The following SBF2 variants were observed in gnomAD, a reference collection of about 807,000 sequenced individuals.
SBF2 encodes myotubularin-related protein 13.
SBF2 carries 112 observed loss-of-function variants against 225.2 expected under a neutral mutation model. The ratio of observed to expected loss-of-function variants is 0.50; its 90% CI spans 0.43 to 0.58. The LOEUF is 0.58. SBF2 is among the 20% of genes least tolerant of loss of function. SBF2 has a pLI of 0.00. For missense variants in SBF2, 1,996 were observed against 2,206.2 expected (o/e 0.90, Z 1.91); for synonymous variants, 763 against 773.3 (o/e 0.99, Z 0.22).
chr11:10,156,481 T>G (rs555282880), intron 2 of SBF2, among the ~76,000 whole-genome samples: 5 of 152,294 alleles, frequency 3.3e-5, no homozygotes, highest in African/African-American at 1.2e-4. Flanking sequence ...GCCTGAAGCC[T>G]GGGGTCCAGG....
chr11:10,045,499 G>A (rs1158091770), intron 2 of SBF2, among the ~76,000 whole-genome samples: 1 of 152,196 alleles, frequency 6.6e-6, no homozygotes, highest in African/African-American at 2.4e-5. Context: ...TATAGGAATA[G>A]ATTGAAATAG....
At chr11:10,090,045 T>C (rs186643574) in intron 2 of SBF2, among the ~76,000 whole-genome samples, 60 of 152,334 alleles carry the variant, frequency 3.9e-4, no homozygotes, top group African/African-American at 1.4e-3. Context: ...CTGAATGAGC[T>C]TGGAAGACAT....
chr11:10,295,973 A>G (rs965191781), upstream of SBF2, among the ~76,000 whole-genome samples: 1 of 152,192 alleles, frequency 6.6e-6, no homozygotes, highest in African/African-American at 2.4e-5. Context: ...TACAACTACC[A>G]TGTCTATCTA....
In SBF2 at chr11:9,961,944, A is replaced by T. The variant is rs892301216; in HGVS notation, c.1860+13T>A. 6.2e-7 allele frequency: 1 copy of T among 1,607,280 alleles called. No individual in the cohort carries two copies. Among genetic ancestry groups the T allele is most frequent in the Non-Finnish European group, 8.5e-7 (1 of 1,174,858 alleles). The stretch of plus-strand genomic sequence containing the variant: ...TCAAATAAGAGGAATAATCTGAAAG[A>T]ACTACAAATTACCTGTAGAGTACAA... On this transcript the variant is annotated intron_variant, in intron 16 of 39. Coordinates refer to ENST00000256190, the MANE Select transcript of SBF2 (RefSeq NM_030962.4).
chr11:9,788,809 G>A (rs1852548340), intron 35 of SBF2, among the ~76,000 whole-genome samples: 1 of 146,456 alleles, frequency 6.8e-6, no homozygotes, highest in African/African-American at 2.6e-5. Flanking sequence ...GTTTTACTGT[G>A]TTAACCAGGA....
chr11:10,196,854 A>ATTTT (rs1957377914), intron 1 of SBF2, among the ~76,000 whole-genome samples: 4 of 18,558 alleles, frequency 2.2e-4, no homozygotes, highest in African/African-American at 4.0e-4. Context: ...ATATATATAT[A>ATTTT]TATATATATA....
At chr11:10,160,712 T>C (rs1955691781) in intron 2 of SBF2, among the ~76,000 whole-genome samples, 1 of 152,194 alleles carries the variant, frequency 6.6e-6, no homozygotes, top group African/African-American at 2.4e-5. Context: ...GAAAGAACTC[T>C]AAGCCCTTCA....
chr11:10,196,853 TATATATATA>T (rs1178381296), intron 1 of SBF2, among the ~76,000 whole-genome samples: 817 of 22,152 alleles, frequency 0.037, 55 homozygotes, highest in East Asian at 0.14. Flanking sequence ...TATATATATA[TATATATATA>T]TATATTTTTT....
intron 28 of SBF2, among the ~76,000 whole-genome samples, chr11:9,827,679 C>G (rs1481398038): frequency 4.6e-5 from 7 of 152,232 alleles, no homozygotes; most frequent in African/African-American, 1.7e-4. Flanking sequence ...ATGTCAGCAG[C>G]TACCTGGATA....
intron 1 of SBF2, among the ~76,000 whole-genome samples, chr11:10,215,946 T>C (rs1485776016): frequency 6.6e-6 from 1 of 152,226 alleles, no homozygotes; most frequent in African/African-American, 2.4e-5. Context: ...GTAAGTCAGG[T>C]CCATTCAAAC....
intron 2 of SBF2, among the ~76,000 whole-genome samples, chr11:10,182,459 T>C (rs1956774065): frequency 6.6e-6 from 1 of 152,202 alleles, no homozygotes; most frequent in African/African-American, 2.4e-5. Context: ...TCACAAAGTC[T>C]TTCACATAAT....
At chr11:9,802,083 C>A (rs1853523862) in intron 32 of SBF2, among the ~76,000 whole-genome samples, 1 of 152,186 alleles carries the variant, frequency 6.6e-6, no homozygotes, top group South Asian at 2.1e-4. Flanking sequence ...CAAAGATTTA[C>A]TCTAATGCCG....
At chr11:10,216,727 G>A (rs143830004) in intron 1 of SBF2, among the ~76,000 whole-genome samples, 11 of 152,176 alleles carry the variant, frequency 7.2e-5, no homozygotes, top group South Asian at 2.1e-4. Context: ...AAAACTAGCC[G>A]GGTGTGGTGG....
chr11:9,919,449 C>G (rs528989037), intron 16 of SBF2, among the ~76,000 whole-genome samples: 8 of 151,842 alleles, frequency 5.3e-5, no homozygotes, highest in African/African-American at 1.5e-4. Flanking sequence ...CCGAGCTCCC[C>G]GAGTGAGCAA....
At chr11:10,243,988 GA>G (rs1959500634) in intron 1 of SBF2, among the ~76,000 whole-genome samples, 5 of 152,104 alleles carry the variant, frequency 3.3e-5, no homozygotes, top group Non-Finnish European at 7.4e-5. Flanking sequence ...AAAGACACAA[GA>G]AAACTACAGG....
chr11:10,185,642 A>G (rs1268013667), intron 2 of SBF2, among the ~76,000 whole-genome samples: 7 of 151,002 alleles, frequency 4.6e-5, no homozygotes, highest in African/African-American at 1.7e-4. Context: ...TTTAATAGCA[A>G]TAATAATGGG....
intron 13 of SBF2, among the ~76,000 whole-genome samples, chr11:9,977,330 AC>A (rs1946741844): frequency 6.6e-6 from 1 of 151,922 alleles, no homozygotes; most frequent in South Asian, 2.1e-4. Context: ...CAAAAAAATT[AC>A]AAAAAATTAG....
chr11:10,166,943 C>T lies in SBF2; in HGVS notation c.141+26959G>A, dbSNP rs1194895303. Among the ~76,000 whole-genome samples the T allele has an allele frequency of 2.8e-5, 4 of 142,824 alleles. No homozygotes were observed. In the Admixed American group the frequency reaches 2.9e-4, roughly 10 times the overall value. 93.7% of individuals were successfully genotyped at this position (142,824 alleles called of 152,430 possible). On this transcript the variant is annotated intron_variant, in intron 2 of 39. Coordinates refer to ENST00000256190, the MANE Select transcript of SBF2 (RefSeq NM_030962.4). ...TGCCACTGTACTCCAGCCTGGGCAA[C>T]AGAGCAAGACTCTGTCTCCACACAC...
rs986779601 is a variant in SBF2, at chr11:10,303,024, T to C, written n.386+1468A>G. The C allele has an allele frequency of 2.0e-5, 3 of 152,246 alleles. No homozygotes were observed. Among genetic ancestry groups the C allele is most frequent in the Admixed American group, 2.0e-4 (3 of 15,284 alleles). 9.4% of individuals were successfully genotyped at this position (152,246 alleles called of 1,614,324 possible). The stretch of plus-strand genomic sequence containing the variant: ...TAGGTCGCATCCTCAGAGCGACTGA[T>C]AGCCAGTCCTGGATCTGCGCGAAGA... On this transcript the variant is annotated intron_variant and non_coding_transcript_variant, in intron 1 of 5. Coordinates refer to the SBF2 transcript ENST00000685217. This position sits in a 1 kb window ranked among gnomAD's most constrained non-coding sequence, Gnocchi z 5.2.
Sources: allele counts gnomAD v4.1 joint callset (sites outside exome capture counted in the v4.1 genomes callset), GRCh38; gene constraint gnomAD v4.1.1; non-coding constraint Gnocchi (gnomAD v3.1); transcripts MANE v1.5; gene names NCBI Gene and HGNC (gene_info 2026-07-23, HGNC 2026-07-21).